The following MCC variants were observed in gnomAD, a reference collection of about 807,000 sequenced individuals.
MCC encodes the protein MCC regulator of Wnt signaling pathway, also known as colorectal mutant cancer protein.
A neutral mutation model predicts 116.2 loss-of-function variants in MCC; 90 were observed. The ratio of observed to expected loss-of-function variants is 0.77; its 90% CI spans 0.65 to 0.92. The LOEUF (loss-of-function observed/expected upper bound fraction) is 0.92, where lower values mean the gene tolerates loss of function less well. Ranked by LOEUF, MCC falls within the 40% of genes least tolerant of loss-of-function variation. MCC has a pLI of 0.00. For synonymous variants in MCC, 578 were observed against 510.5 expected, an observed-to-expected ratio of 1.13 and a Z score of -1.78; for missense variants, 1,516 against 1,312.2, an observed-to-expected ratio of 1.16 and a Z score of -2.40.
chr5:113,177,064 G>A (rs1356417345), intron 3 of MCC, among the ~76,000 whole-genome samples: 2 of 152,078 alleles, frequency 1.3e-5, no homozygotes, highest in African/African-American at 2.4e-5. Context: ...CCTCAGGTAG[G>A]TCCAAATTCT....
At chr5:113,120,255 T>C (rs1279878798) in intron 6 of MCC, among the ~76,000 whole-genome samples, 2 of 152,304 alleles carry the variant, frequency 1.3e-5, no homozygotes, top group Admixed American at 1.3e-4. Context: ...CTTAGCATGC[T>C]GGTATGAACT....
At chr5:113,073,903 A>C (rs191300224) in intron 11 of MCC, among the ~76,000 whole-genome samples, 172 of 152,336 alleles carry the variant, frequency 1.1e-3, no homozygotes, top group African/African-American at 4.0e-3. Context: ...GGTGGAGCCC[A>C]CCGCAGTTCA....
rs142061772 is a variant in MCC at position 113,132,318 on chromosome 5, GAAATAATAGGAGA to G, written c.885-9505_885-9493del. 4.0e-3 allele frequency among the ~76,000 whole-genome samples: 599 copies of G among 149,950 alleles called. 4 individuals carry two copies. The highest frequency in any genetic ancestry group is 0.014 in the African/African-American group (568 of 40,728). On this transcript the variant is annotated intron_variant, in intron 5 of 18. Transcript: ENST00000408903. ...TCACCAGTACCAACTCACCCTATAT[GAAATAATAGGAGA>G]AAATAAGAGGAAAAAGAAAAGTGCA...
At chr5:113,346,278 T>C (rs907838515) in intron 2 of MCC, among the ~76,000 whole-genome samples, 2 of 151,930 alleles carry the variant, frequency 1.3e-5, no homozygotes, top group South Asian at 2.1e-4. Flanking sequence ...AAAGAGGAGA[T>C]AGAGACAGAG....
intron 8 of MCC, among the ~76,000 whole-genome samples, chr5:113,093,936 T>C (rs1755829263): frequency 6.6e-6 from 1 of 152,202 alleles, no homozygotes; most frequent in African/African-American, 2.4e-5. Context: ...CACTGTGTAA[T>C]GGAGCTGGTT....
At chr5:113,232,553 C>G (rs896628066) in intron 3 of MCC, among the ~76,000 whole-genome samples, 1 of 152,100 alleles carries the variant, frequency 6.6e-6, no homozygotes, top group African/African-American at 2.4e-5. Flanking sequence ...TGTCAGTTTA[C>G]TTGGTAGTTT....
intron 14 of MCC, among the ~76,000 whole-genome samples, chr5:113,063,029 G>A (rs1366383415): frequency 2.6e-5 from 4 of 152,314 alleles, no homozygotes; most frequent in South Asian, 4.1e-4. Context: ...CAATATGCTC[G>A]ATGCTAAGAT....
At chr5:113,444,927 G>C (rs1367847721) in intron 1 of MCC, among the ~76,000 whole-genome samples, 1 of 152,176 alleles carries the variant, frequency 6.6e-6, no homozygotes, top group Non-Finnish European at 1.5e-5. Flanking sequence ...CTCTAGATGA[G>C]AAAAGTGAGG....
chr5:113,445,528 C>T (rs1771185232), intron 1 of MCC, among the ~76,000 whole-genome samples: 1 of 152,004 alleles, frequency 6.6e-6, no homozygotes, highest in South Asian at 2.1e-4. Context: ...AATAGGAATA[C>T]ATCTAACCAA....
intron 3 of MCC, among the ~76,000 whole-genome samples, chr5:113,232,181 A>T (rs1459680673): frequency 2.0e-5 from 3 of 152,206 alleles, no homozygotes; most frequent in African/African-American, 7.2e-5. Context: ...AGGGGAAAAA[A>T]GAACAAGCAT....
intron 1 of MCC, among the ~76,000 whole-genome samples, chr5:113,409,632 A>C (rs1769926223): frequency 6.6e-6 from 1 of 152,202 alleles, no homozygotes; most frequent in South Asian, 2.1e-4. Flanking sequence ...GATTACAGGC[A>C]TGAGCCAGTG....
intron 4 of MCC, among the ~76,000 whole-genome samples, chr5:113,148,475 T>C (rs1480150653): frequency 6.6e-6 from 1 of 152,238 alleles, no homozygotes; most frequent in African/African-American, 2.4e-5. Context: ...CTCTTGGTAA[T>C]GTCTGTTGAA....
At chr5:113,088,395 G>T (rs192637442) in intron 8 of MCC, among the ~76,000 whole-genome samples, 2 of 151,782 alleles carry the variant, frequency 1.3e-5, no homozygotes, top group African/African-American at 4.8e-5. Context: ...ACCCATTGTA[G>T]TGGGTTGGAT....
At chr5:113,237,119 A>G (rs904989556) in intron 3 of MCC, among the ~76,000 whole-genome samples, 1 of 152,232 alleles carries the variant, frequency 6.6e-6, no homozygotes, top group Admixed American at 6.5e-5. Flanking sequence ...GGAAATGTAT[A>G]CGCCTTCAGG....
chr5:113,046,879 C>G (rs1004767224), intron 16 of MCC, among the ~76,000 whole-genome samples: 8 of 152,184 alleles, frequency 5.3e-5, no homozygotes, highest in Admixed American at 2.6e-4. Context: ...ATAGTGACTT[C>G]TCTAAAGCCC....
At chr5:113,275,980 T>G (rs556589657) in intron 3 of MCC, among the ~76,000 whole-genome samples, 135 of 151,088 alleles carry the variant, frequency 8.9e-4, no homozygotes, top group African/African-American at 3.3e-3. Flanking sequence ...GTTTTTTTTT[T>G]TTTTTTTTTA....
chr5:113,144,774 T>C (rs1759392074), intron 4 of MCC, among the ~76,000 whole-genome samples: 1 of 152,162 alleles, frequency 6.6e-6, no homozygotes. Flanking sequence ...GGCAACAAGG[T>C]TGTTGAATGC....
intron 7 of MCC, among the ~76,000 whole-genome samples, chr5:113,102,741 A>G (rs2150255690): frequency 6.6e-6 from 1 of 152,366 alleles, no homozygotes; most frequent in South Asian, 2.1e-4. Flanking sequence ...TCCTTTGAAA[A>G]AGGAAGCACA....
At chr5:113,301,484 AAGAT>A (rs1035333450) in intron 3 of MCC, among the ~76,000 whole-genome samples, 1 of 152,144 alleles carries the variant, frequency 6.6e-6, no homozygotes, top group Non-Finnish European at 1.5e-5. Flanking sequence ...GAAAAAAAAA[AAGAT>A]AGTTATAGGG....
Sources: gnomAD v4.1 joint callset for allele counts (sites outside exome capture counted in the v4.1 genomes callset) on GRCh38, gnomAD v4.1.1 for gene constraint, MANE v1.5 for transcripts, NCBI Gene and HGNC (gene_info 2026-07-23, HGNC 2026-07-21) for gene names.